Variants in CELF2 observed in about 807,000 individuals in gnomAD.
CELF2 encodes CUGBP Elav-like family member 2, also known as CUG triplet repeat RNA-binding protein 2.
CELF2 carries 8 observed loss-of-function variants against 62.6 expected under a neutral mutation model. The ratio of observed to expected loss-of-function variants is 0.13; its 90% CI spans 0.07 to 0.23. The LOEUF (loss-of-function observed/expected upper bound fraction) is 0.23. Ranked by LOEUF, CELF2 falls within the 10% of genes least tolerant of loss-of-function variation. CELF2 has a pLI of 1.00. For synonymous variants in CELF2, 258 were observed against 250.0 expected (o/e 1.03, Z -0.30); for missense variants, 333 against 671.0 (o/e 0.50, Z 5.56).
chr10:11,079,031 C>T (rs1034233616), intron 1 of CELF2, among the ~76,000 whole-genome samples: 5 of 152,084 alleles, frequency 3.3e-5, no homozygotes, highest in African/African-American at 1.2e-4. Flanking sequence ...TGGGGTGTGA[C>T]GGGGTGCATC....
chr10:10,601,977 A>G, the CELF2 span, among the ~76,000 whole-genome samples: 1 of 151,914 alleles, frequency 6.6e-6, no homozygotes. Context: ...CTTATAAGTG[A>G]GAACATGCTG....
Position 10,857,582 on chromosome 10 carries a change from C to T in CELF2, c.53+58765C>T, listed in dbSNP as rs146684053. Among the ~76,000 whole-genome samples the T allele has an allele frequency of 9.8e-3, 1,414 of 144,588 alleles. 24 individuals are homozygous for T. Among genetic ancestry groups the T allele is most frequent in the African/African-American group, 0.035 (1,350 of 38,966 alleles). 94.9% of individuals were successfully genotyped at this position (144,588 alleles called of 152,430 possible). A position where few individuals can be genotyped will look rare whatever the true frequency, so the allele number is the denominator to read the frequency against. On this transcript the variant is annotated intron_variant, in intron 1 of 13. Coordinates refer to the CELF2 transcript ENST00000636488. ...ACATTACTAGATGTACTGAACTGTA[C>T]ATTTTAAAATTGTAAAGATGGTGAA...
chr10:11,148,484 C>G (rs1185204290), intron 1 of CELF2, among the ~76,000 whole-genome samples: 1 of 152,152 alleles, frequency 6.6e-6, no homozygotes, highest in African/African-American at 2.4e-5. Flanking sequence ...TGAGACGCAT[C>G]CAGTGTTAGA....
At chr10:10,860,122 G>A (rs973497647) in intron 1 of CELF2, among the ~76,000 whole-genome samples, 2 of 152,092 alleles carry the variant, frequency 1.3e-5, no homozygotes, top group African/African-American at 4.8e-5. Flanking sequence ...ATAGAGAAGT[G>A]TGATTAGTTT....
intron 1 of CELF2, among the ~76,000 whole-genome samples, chr10:11,119,584 C>T (rs1057370885): frequency 1.3e-5 from 2 of 152,118 alleles, no homozygotes; most frequent in Non-Finnish European, 2.9e-5. Context: ...ATCTTTAGTT[C>T]CTTTTTACCA....
intron 1 of CELF2, among the ~76,000 whole-genome samples, chr10:11,043,921 A>G (rs1489199850): frequency 6.6e-6 from 1 of 152,202 alleles, no homozygotes; most frequent in Non-Finnish European, 1.5e-5. Flanking sequence ...TTGCAGTTCC[A>G]GCATCTTACA....
rs1328483706 is a variant in CELF2, at chr10:11,157,912, A to G, written c.75-7574A>G. ...TTGAGAAGCACAGTCACCACAACCT[A>G]GTCTGCAGGGAATCAGATGTCGTGT... On this transcript the variant is annotated intron_variant, in intron 1 of 12. Transcript: ENST00000633077. The surrounding 1 kb of genome is among the most constrained non-coding windows in gnomAD (Gnocchi z 4.9). Among the ~76,000 whole-genome samples, 1 of 152,224 alleles carries G rather than the reference A, an allele frequency of 6.6e-6. No individual in the cohort carries two copies. The highest frequency in any genetic ancestry group is 1.5e-5 in the Non-Finnish European group (1 of 68,032).
At chr10:11,004,640 C>T (rs1262260350), upstream of CELF2, among the ~76,000 whole-genome samples, 1 of 152,164 alleles carries the variant, frequency 6.6e-6, no homozygotes, top group African/African-American at 2.4e-5. This position sits in a 1 kb window ranked among gnomAD's most constrained non-coding sequence, Gnocchi z 5.0. Context: ...TGCCACCAAA[C>T]AATCTTTGCA....
chr10:10,741,977 C>A, the CELF2 span, among the ~76,000 whole-genome samples: 3 of 151,976 alleles, frequency 2.0e-5, no homozygotes, highest in Non-Finnish European at 4.4e-5. Context: ...AGAGATGTTC[C>A]TTCTCCCTTT....
At chr10:11,068,232 T>A (rs1291854) in intron 1 of CELF2, among the ~76,000 whole-genome samples, 1 of 152,078 alleles carries the variant, frequency 6.6e-6, no homozygotes, top group Admixed American at 6.5e-5. Context: ...CAAATACTCA[T>A]ACTAATCAGA....
chr10:10,756,263 C>A, the CELF2 span, among the ~76,000 whole-genome samples: 5 of 152,130 alleles, frequency 3.3e-5, no homozygotes, highest in Non-Finnish European at 5.9e-5. Context: ...ATACAGCAGA[C>A]CTTTCAAAAG....
chr10:10,608,339 CA>C, the CELF2 span, among the ~76,000 whole-genome samples: 1 of 152,124 alleles, frequency 6.6e-6, no homozygotes, highest in Non-Finnish European at 1.5e-5. Context: ...TGAAGACAAC[CA>C]GATTAATACT....
chr10:11,197,061 AG>A (rs1293331626), intron 2 of CELF2, among the ~76,000 whole-genome samples: 1 of 114,762 alleles, frequency 8.7e-6, no homozygotes, highest in African/African-American at 3.8e-5. Context: ...AAGAAAGAAA[AG>A]AAAGAAAGGA....
At chr10:11,148,898 TA>T (rs2062773806) in intron 1 of CELF2, among the ~76,000 whole-genome samples, 1 of 148,268 alleles carries the variant, frequency 6.7e-6, no homozygotes, top group South Asian at 2.1e-4. Context: ...AGCCTGTCAG[TA>T]AAGGCCAGTT....
chr10:10,748,866 T>C, the CELF2 span, among the ~76,000 whole-genome samples: 1 of 151,140 alleles, frequency 6.6e-6, no homozygotes, highest in Admixed American at 6.6e-5. Flanking sequence ...AGGTGGTGGT[T>C]GTGGAGATAA....
the CELF2 span, among the ~76,000 whole-genome samples, chr10:10,691,662 G>T: frequency 6.7e-6 from 1 of 149,430 alleles, no homozygotes; most frequent in Admixed American, 6.6e-5. Context: ...ATCCTCTCCA[G>T]CACCTGTTGT....
chr10:10,657,396 A>ATC, the CELF2 span, among the ~76,000 whole-genome samples: 2 of 151,912 alleles, frequency 1.3e-5, no homozygotes, highest in Non-Finnish European at 2.9e-5. Context: ...TTAAAAGTAT[A>ATC]TACATATATT....
intron 1 of CELF2, among the ~76,000 whole-genome samples, chr10:11,127,084 C>A (rs1188507676): frequency 2.0e-5 from 3 of 151,980 alleles, no homozygotes; most frequent in Admixed American, 6.6e-5. Flanking sequence ...ATGTGATGTT[C>A]CCTGCCCTGT....
At chr10:11,138,640 G>A (rs1237287637) in intron 1 of CELF2, among the ~76,000 whole-genome samples, 2 of 152,230 alleles carry the variant, frequency 1.3e-5, no homozygotes, top group Admixed American at 1.3e-4. Flanking sequence ...TTTACTTTTA[G>A]AAGACTGGGG....
Sources: gnomAD v4.1 joint callset for allele counts (sites outside exome capture counted in the v4.1 genomes callset) on GRCh38, gnomAD v4.1.1 for gene constraint, Gnocchi (gnomAD v3.1) non-coding constraint, MANE v1.5 for transcripts, NCBI Gene and HGNC (gene_info 2026-07-23, HGNC 2026-07-21) for gene names.